The following TBC1D22B variants were observed in gnomAD, a reference collection of about 807,000 sequenced individuals.
TBC1D22B encodes the protein chromosome 6 open reading frame 197.
In TBC1D22B, 32 loss-of-function variants were observed where a neutral mutation model predicts 69.1. The ratio of observed to expected loss-of-function variants is 0.46; its 90% CI spans 0.35 to 0.62. The LOEUF is 0.62. Ranked by LOEUF, TBC1D22B falls within the 20% of genes least tolerant of loss-of-function variation. The pLI, the probability that TBC1D22B is intolerant of heterozygous loss-of-function variation, is 0.00. For synonymous variants in TBC1D22B, 206 were observed against 229.8 expected (o/e 0.90, Z 0.94); for missense variants, 462 against 630.9 (o/e 0.73, Z 2.87).
chr6:37,298,038 C>T (rs1018091657), intron 8 of TBC1D22B, among the ~76,000 whole-genome samples: 1 of 152,066 alleles, frequency 6.6e-6, no homozygotes, highest in African/African-American at 2.4e-5. Context: ...CACACCAGGG[C>T]CTGTTAGGGG....
intron 1 of TBC1D22B, among the ~76,000 whole-genome samples, chr6:37,263,081 C>G (rs1766161979): frequency 6.6e-6 from 1 of 152,122 alleles, no homozygotes; most frequent in Non-Finnish European, 1.5e-5. Flanking sequence ...TAAGTGGAGG[C>G]CTAGGTTTTG....
chr6:37,286,977 G>T, intron 6 of TBC1D22B, 30 bp from the exon 7 acceptor site: 2 of 1,579,872 alleles, frequency 1.3e-6, no homozygotes, highest in Non-Finnish European at 1.7e-6. Context: ...ACTGGCATTT[G>T]TGTTTTTGGA....
intron 7 of TBC1D22B, 21 bp from the exon 8 acceptor site, chr6:37,291,222 C>T (rs1241690799): frequency 6.5e-7 from 1 of 1,542,610 alleles, no homozygotes; most frequent in African/African-American, 1.4e-5. Flanking sequence ...ACACTCGTGT[C>T]TTTCTTTCTC....
intron 8 of TBC1D22B, among the ~76,000 whole-genome samples, chr6:37,308,598 T>C (rs1767808064): frequency 6.6e-6 from 1 of 152,172 alleles, no homozygotes; most frequent in Non-Finnish European, 1.5e-5. Context: ...TGTCTGTTGT[T>C]CCCTTTGCTC....
At chr6:37,325,034 C>A (rs938880855) in intron 12 of TBC1D22B, among the ~76,000 whole-genome samples, 11 of 152,158 alleles carry the variant, frequency 7.2e-5, no homozygotes, top group Non-Finnish European at 1.3e-4. Flanking sequence ...CTTTGGTGTT[C>A]TTCCTCTTCC....
chr6:37,276,760 G>A (rs1275972604), intron 2 of TBC1D22B, among the ~76,000 whole-genome samples: 3 of 152,050 alleles, frequency 2.0e-5, no homozygotes, highest in East Asian at 3.9e-4. Context: ...GCATGGTGGT[G>A]CGTGCCTGTA....
chr6:37,309,865 A>C (rs187061835), intron 8 of TBC1D22B, among the ~76,000 whole-genome samples: 1 of 151,990 alleles, frequency 6.6e-6, no homozygotes, highest in Admixed American at 6.6e-5. Flanking sequence ...GAAATGTAAC[A>C]TGAAGCAAAA....
Position 37,275,563 on chromosome 6 carries a change from C to T in TBC1D22B, c.114-3741C>T, listed in dbSNP as rs59552285. Among the ~76,000 whole-genome samples, 1,018 of 152,226 alleles carry T rather than the reference C, an allele frequency of 6.7e-3. 17 individuals are homozygous for T. Among genetic ancestry groups the T allele is most frequent in the African/African-American group, 0.023 (975 of 41,532 alleles). On this transcript the variant is annotated intron_variant, in intron 2 of 12. Coordinates refer to ENST00000373491, the MANE Select transcript of TBC1D22B (RefSeq NM_017772.4). Reference sequence around the variant, plus strand: ...GAGTCAGGTAGACCTGGATTTGAGCCCAGACCTCACTGCCTGCTCATGATC... The same window carrying T: ...GAGTCAGGTAGACCTGGATTTGAGCTCAGACCTCACTGCCTGCTCATGATC...
At chr6:37,304,833 C>T (rs1767661933) in intron 8 of TBC1D22B, among the ~76,000 whole-genome samples, 1 of 152,060 alleles carries the variant, frequency 6.6e-6, no homozygotes, top group East Asian at 1.9e-4. Context: ...CAGAAACAGA[C>T]AATCAACTGA....
chr6:37,315,952 T>C (rs1768066140), intron 10 of TBC1D22B, among the ~76,000 whole-genome samples: 1 of 152,258 alleles, frequency 6.6e-6, no homozygotes, highest in Non-Finnish European at 1.5e-5. Flanking sequence ...GTAAGCACTT[T>C]ACTTGTGTGT....
intron 1 of TBC1D22B, among the ~76,000 whole-genome samples, chr6:37,261,229 C>T (rs909919103): frequency 6.6e-6 from 1 of 151,814 alleles, no homozygotes. Flanking sequence ...GCCAGGAGTC[C>T]GAGACCAGCC....
At chr6:37,274,557 A>C (rs1466200902) in intron 2 of TBC1D22B, among the ~76,000 whole-genome samples, 1 of 152,228 alleles carries the variant, frequency 6.6e-6, no homozygotes, top group Non-Finnish European at 1.5e-5. Flanking sequence ...TGGGCACATT[A>C]CTGAAACTTT....
intron 9 of TBC1D22B, 142 bp downstream of exon 9, chr6:37,313,166 A>T (rs1213194547): frequency 4.3e-6 from 3 of 699,738 alleles, no homozygotes; most frequent in African/African-American, 1.8e-5. Context: ...ATCCATCTCT[A>T]TCCTTCTTCA....
At chr6:37,312,477 G>C (rs1047701589) in intron 8 of TBC1D22B, among the ~76,000 whole-genome samples, 1 of 152,180 alleles carries the variant, frequency 6.6e-6, no homozygotes, top group African/African-American at 2.4e-5. Flanking sequence ...AATAAACTGT[G>C]GGGGCTTTCT....
chr6:37,283,009 A>T, intron 5 of TBC1D22B, 57 bp downstream of exon 5: 11 of 1,508,732 alleles, frequency 7.3e-6, no homozygotes, highest in Non-Finnish European at 1.0e-5. Flanking sequence ...TTCTTGCCTG[A>T]TGAGGTTAGT....
At chr6:37,301,965 T>C (rs57904157) in intron 8 of TBC1D22B, among the ~76,000 whole-genome samples, 3,988 of 152,224 alleles carry the variant, frequency 0.026, 166 homozygotes, top group African/African-American at 0.089. Context: ...CACTGAATCA[T>C]AGCATAGGGG....
At chr6:37,328,736 T>C (rs1044743984) in intron 12 of TBC1D22B, among the ~76,000 whole-genome samples, 2 of 152,186 alleles carry the variant, frequency 1.3e-5, no homozygotes, top group African/African-American at 4.8e-5. Context: ...TTTTACTTTT[T>C]AGTAAACAAA....
intron 8 of TBC1D22B, among the ~76,000 whole-genome samples, chr6:37,295,153 A>T (rs1767322304): frequency 6.6e-6 from 1 of 151,766 alleles, no homozygotes; most frequent in Non-Finnish European, 1.5e-5. Context: ...CCCAGGCTGG[A>T]GTGCAGTGGT....
At position 37,327,833 on chromosome 6, in the gene TBC1D22B, C is replaced by T. The variant is rs1417857635; in HGVS notation, c.1390-3211C>T. 2.0e-5 allele frequency among the ~76,000 whole-genome samples: 3 copies of T among 152,170 alleles called. No homozygotes were observed. In the East Asian group the frequency reaches 5.8e-4, roughly 29 times the overall value. On this transcript the variant is annotated intron_variant, in intron 12 of 12. Coordinates refer to ENST00000373491, the MANE Select transcript of TBC1D22B (RefSeq NM_017772.4). ...AGTGGGGACCTTGGGATGTGCACTC[C>T]TCCGGGGGTTCACCACCATCATGAC...
Sources: allele counts gnomAD v4.1 joint callset (sites outside exome capture counted in the v4.1 genomes callset), GRCh38; gene constraint gnomAD v4.1.1; transcripts MANE v1.5; gene names NCBI Gene and HGNC (gene_info 2026-07-23, HGNC 2026-07-21).